FAM120C: variants seen among roughly 807,000 people sequenced by gnomAD.
The protein encoded by FAM120C is constitutive coactivator of PPAR-gamma-like protein 2.
FAM120C carries 14 observed loss-of-function variants against 71.2 expected under a neutral mutation model. That is an observed-to-expected ratio of 0.20 (90% CI 0.13 to 0.31). The LOEUF (loss-of-function observed/expected upper bound fraction) is 0.31. FAM120C is among the 10% of genes least tolerant of loss of function. FAM120C has a pLI of 1.00. For synonymous variants in FAM120C, 354 were observed against 353.2 expected (o/e 1.00, Z -0.03); for missense variants, 500 against 879.0 (o/e 0.57, Z 5.45).
chrX:54,111,597 C>T (rs782677798), intron 10 of FAM120C, among the ~76,000 whole-genome samples: 59 of 109,191 alleles, frequency 5.4e-4, no homozygotes, highest in Non-Finnish European at 1.0e-3. Context: ...AGGATCTCTA[C>T]GAGGAAAACT....
intron 2 of FAM120C, among the ~76,000 whole-genome samples, chrX:54,159,147 G>T (rs1425075292): frequency 2.7e-5 from 3 of 111,728 alleles, no homozygotes; most frequent in East Asian, 5.6e-4. Flanking sequence ...TCTAAATAAT[G>T]TTCTGGAATA....
chrX:54,139,226 A>AT (rs2067110447), intron 4 of FAM120C, among the ~76,000 whole-genome samples: 1 of 111,602 alleles, frequency 9.0e-6, no homozygotes, highest in Non-Finnish European at 1.9e-5. Flanking sequence ...TGAATGTACA[A>AT]GAGTGTCCCA....
chrX:54,151,369 C>T lies in FAM120C; in HGVS notation c.1034G>A (p.Arg345Gln), dbSNP rs2067183620. 2 of 1,204,037 alleles carry T rather than the reference C, an allele frequency of 1.7e-6. No individual in the cohort carries two copies. The highest frequency in any genetic ancestry group is 2.2e-5 in the Admixed American group (1 of 44,790). ...PEHPLASLKV[R>Q]AHQLVLPPCD... ...GGGAGGAAGAACCAGCTGATGAGCTCGAACCTAGAAAGGCAAGATAAGCAA... is the reference window on the plus strand; with the variant it reads ...GGGAGGAAGAACCAGCTGATGAGCTTGAACCTAGAAAGGCAAGATAAGCAA... The change falls in exon 4 of 16, where the codon CGA becomes CAA. Residue 345 changes from arginine to glutamine, a missense_variant. By Grantham distance (43) the Arg-to-Gln change is conservative. This residue lies in a region of FAM120C where 55 missense variants were observed against 96.7 expected (regional missense o/e 0.57). Transcript: ENST00000375180.
rs1247870955 is a variant in FAM120C, at chrX:54,070,025, G to A, written c.*3008C>T. 8.9e-6 allele frequency: 1 copy of A among 111,840 alleles called. No homozygotes were observed. Among genetic ancestry groups the A allele is most frequent in the East Asian group, 2.8e-4 (1 of 3,570 alleles). The allele number at this position is 111,840 out of a possible 1,213,427, so 9.2% of individuals were successfully genotyped here. A position where few individuals can be genotyped will look rare whatever the true frequency, so the allele number is the denominator to read the frequency against. On this transcript the variant is annotated 3_prime_UTR_variant, in exon 16 of 16. Coordinates refer to ENST00000375180, the MANE Select transcript of FAM120C (RefSeq NM_017848.6). ...AGAGGTCACATAAAAGCTAGAAATG[G>A]AACCTCAGGTGAAGGATGACAGTCT...
At chrX:54,115,646 T>C (rs1557126523) in intron 10 of FAM120C, among the ~76,000 whole-genome samples, 2 of 111,345 alleles carry the variant, frequency 1.8e-5, no homozygotes, top group African/African-American at 6.5e-5. Context: ...TATGAAGAAA[T>C]CCCCTGCAGC....
At chrX:54,101,120 A>G (rs1557124083) in intron 10 of FAM120C, among the ~76,000 whole-genome samples, 1 of 111,883 alleles carries the variant, frequency 8.9e-6, no homozygotes, top group African/African-American at 3.2e-5. Context: ...AAGCCTCCAC[A>G]GCTCTTACTT....
chrX:54,174,734 A>G (rs1314656759), intron 1 of FAM120C, among the ~76,000 whole-genome samples: 8 of 112,335 alleles, frequency 7.1e-5, no homozygotes, highest in Non-Finnish European at 1.5e-4. Flanking sequence ...CTGATCAATG[A>G]AAATAAACGA....
At chrX:54,103,724 C>A (rs1307724037) in intron 10 of FAM120C, among the ~76,000 whole-genome samples, 1 of 100,505 alleles carries the variant, frequency 9.9e-6, no homozygotes, top group Non-Finnish European at 2.0e-5. Flanking sequence ...GTTTATAATA[C>A]ACTTCGGTAC....
At chrX:54,125,157 G>A (rs782423344) in intron 9 of FAM120C, among the ~76,000 whole-genome samples, 14 of 106,646 alleles carry the variant, frequency 1.3e-4, no homozygotes, top group African/African-American at 4.5e-4. Flanking sequence ...TGCAGTGAGC[G>A]GAGATTGTGC....
rs1489440284 is a variant in FAM120C at position 54,154,914 on chromosome X, G to A, written c.1029+2775C>T. 2.7e-5 allele frequency among the ~76,000 whole-genome samples: 3 copies of A among 111,062 alleles called. No individual in the cohort carries two copies. In the East Asian group the frequency reaches 8.5e-4, roughly 31 times the overall value. On this transcript the variant is annotated intron_variant, in intron 3 of 15. Coordinates refer to ENST00000375180, the MANE Select transcript of FAM120C (RefSeq NM_017848.6). Reference sequence around the variant, plus strand: ...CAATCGTATGTGGAGACAGAAAAGAGAAGGGGCCGGGCATGGTGGCTCACG... The same window carrying A: ...CAATCGTATGTGGAGACAGAAAAGAAAAGGGGCCGGGCATGGTGGCTCACG...
At chrX:54,138,495 CAA>C (rs781947470) in intron 4 of FAM120C, among the ~76,000 whole-genome samples, 9 of 41,001 alleles carry the variant, frequency 2.2e-4, no homozygotes, top group African/African-American at 9.9e-4. Context: ...GACACTGTCT[CAA>C]AAAAAAAAAA....
At chrX:54,118,222 TAA>T (rs781998925) in intron 9 of FAM120C, among the ~76,000 whole-genome samples, 20 of 90,627 alleles carry the variant, frequency 2.2e-4, no homozygotes, top group Admixed American at 4.9e-4. Flanking sequence ...AAACTCCATC[TAA>T]AAAAAAAAAA....
intron 4 of FAM120C, among the ~76,000 whole-genome samples, chrX:54,150,288 C>T (rs2067177957): frequency 9.0e-6 from 1 of 111,672 alleles, no homozygotes; most frequent in South Asian, 3.7e-4. Flanking sequence ...AACACAGAGC[C>T]TATTTTATAA....
rs1205572497 is a variant in FAM120C, at chrX:54,068,779, CAGAATAGAACAGAAT to C, written c.*4239_*4253del. 141 of 94,035 alleles carry C rather than the reference CAGAATAGAACAGAAT, an allele frequency of 1.5e-3. No homozygotes were observed. The highest frequency in any genetic ancestry group is 5.6e-3 in the African/African-American group (132 of 23,450). The allele number at this position is 94,035 out of a possible 1,213,427, so 7.7% of individuals were successfully genotyped here. A position where few individuals can be genotyped will look rare whatever the true frequency, so the allele number is the denominator to read the frequency against. The stretch of plus-strand genomic sequence containing the variant: ...GTGTTATTCTAAAAACAGAATAGAA[CAGAATAGAACAGAAT>C]AGAATAGAATAGAATAGAATAGAAT... On this transcript the variant is annotated 3_prime_UTR_variant, in exon 16 of 16. Coordinates refer to ENST00000375180, the MANE Select transcript of FAM120C (RefSeq NM_017848.6).
chrX:54,166,680 G>GT (rs1557135207), intron 1 of FAM120C, among the ~76,000 whole-genome samples: 1 of 111,476 alleles, frequency 9.0e-6, no homozygotes, highest in Non-Finnish European at 1.9e-5. Flanking sequence ...ATAGTATGCT[G>GT]TTTTTAAAAG....
At chrX:54,129,310 G>T (rs1192588565) in intron 9 of FAM120C, among the ~76,000 whole-genome samples, 7 of 107,778 alleles carry the variant, frequency 6.5e-5, no homozygotes, top group Non-Finnish European at 1.2e-4. Context: ...CAGACGGGCG[G>T]CCGGGCAGAG....
At position 54,173,814 on chromosome X, in the gene FAM120C, G is replaced by C. The variant is rs45548334; in HGVS notation, c.699+8686C>G. The stretch of plus-strand genomic sequence containing the variant: ...AATGGTGTTTCAGTTATCTATTTCT[G>C]TGTAACAAAGTAGCCCCCAAACTTA... On this transcript the variant is annotated intron_variant, in intron 1 of 15. Transcript: ENST00000375180. The C allele has an allele frequency of 3.3e-5, 8 of 240,512 alleles. No homozygotes were observed. The East Asian group carries it at 5.2e-4, about 16-fold the overall frequency. 19.8% of individuals were successfully genotyped at this position (240,512 alleles called of 1,213,427 possible). A position where few individuals can be genotyped will look rare whatever the true frequency, so the allele number is the denominator to read the frequency against.
intron 9 of FAM120C, among the ~76,000 whole-genome samples, chrX:54,124,797 C>G (rs1044080870): frequency 1.8e-5 from 2 of 112,459 alleles, no homozygotes; most frequent in Admixed American, 9.4e-5. Flanking sequence ...TGTTGAACAT[C>G]TTTTCATGTC....
At chrX:54,117,250 G>A (rs1306321630) in intron 9 of FAM120C, among the ~76,000 whole-genome samples, 1 of 107,782 alleles carries the variant, frequency 9.3e-6, no homozygotes, top group East Asian at 2.9e-4. Context: ...CGACTTGGAA[G>A]GCTGAGGCAG....
Sources: gnomAD v4.1 joint callset for allele counts (sites outside exome capture counted in the v4.1 genomes callset) on GRCh38, gnomAD v4.1.1 for gene constraint, gnomAD v4.1.1 regional missense constraint, MANE v1.5 for transcripts, NCBI Gene and HGNC (gene_info 2026-07-23, HGNC 2026-07-21) for gene names.